SOCS7: variants seen among roughly 807,000 people sequenced by gnomAD.
The protein encoded by SOCS7 is suppressor of cytokine signaling 7.
A neutral mutation model predicts 58.9 loss-of-function variants in SOCS7; 18 were observed. The ratio of observed to expected loss-of-function variants is 0.31; its 90% CI spans 0.21 to 0.45. SOCS7 has a LOEUF of 0.45. Ranked by LOEUF, SOCS7 falls within the 20% of genes least tolerant of loss-of-function variation. The pLI is 1.00. For missense variants in SOCS7, 667 were observed against 837.3 expected (o/e 0.80, Z 2.51); for synonymous variants, 388 against 364.3 (o/e 1.06, Z -0.74).
At position 38,353,023 on chromosome 17, in the gene SOCS7, A is replaced by C; in HGVS notation, c.971A>C (p.Asp324Ala). The C allele has an allele frequency of 3.8e-6, 6 of 1,588,378 alleles. No individual in the cohort carries two copies. The highest frequency in any genetic ancestry group is 5.1e-6 in the Non-Finnish European group (6 of 1,168,460). Residue 324 changes from aspartate (D) to alanine (A), a missense_variant, in exon 1 of 10, where the codon GAC (aspartate) becomes GCC (alanine). By Grantham distance (126) the Asp-to-Ala change is moderately radical (BLOSUM62 -2). This residue lies in a region of SOCS7 where 208 missense variants were observed against 190.3 expected (regional missense o/e 1.09). Coordinates refer to ENST00000612932, the MANE Select transcript of SOCS7 (RefSeq NM_014598.4). Reference sequence around the variant, plus strand: ...GGAGGCTCTGCGGGCCGGGAGCTGGACGCGGGGAGGTGAGACCGGCCGGGG... The same window carrying C: ...GGAGGCTCTGCGGGCCGGGAGCTGGCCGCGGGGAGGTGAGACCGGCCGGGG... Reference protein sequence around the residue: ...DMGGSAGRELDAGRKPKLTRT... With the variant: ...DMGGSAGRELAAGRKPKLTRT...
chr17:38,365,419 GT>G lies in SOCS7; in HGVS notation c.1252+13del, dbSNP rs769131073. ...CCACCCCATGCCCCAGGTTAGCTTAGTTTAGAGGCAAGACTTGTAAGAGTTG... is the reference window on the plus strand; with the variant it reads ...CCACCCCATGCCCCAGGTTAGCTTAGTTAGAGGCAAGACTTGTAAGAGTTG... On this transcript the variant is annotated intron_variant, in intron 4 of 9. Coordinates refer to ENST00000612932, the MANE Select transcript of SOCS7 (RefSeq NM_014598.4). The G allele has an allele frequency of 6.3e-7, 1 of 1,579,716 alleles. No homozygotes were observed. The highest frequency in any genetic ancestry group is 1.8e-5 in the Admixed American group (1 of 56,954).
At chr17:38,392,268 G>A (rs1478291420) in intron 7 of SOCS7, among the ~76,000 whole-genome samples, 2 of 152,148 alleles carry the variant, frequency 1.3e-5, no homozygotes, top group African/African-American at 4.8e-5. Flanking sequence ...CAATTAAATA[G>A]GCAAGTATAT....
At chr17:38,374,901 G>A (rs1301095917) in intron 6 of SOCS7, among the ~76,000 whole-genome samples, 1 of 152,206 alleles carries the variant, frequency 6.6e-6, no homozygotes, top group African/African-American at 2.4e-5. Context: ...TATGATATGG[G>A]CACTAAAACC....
intron 7 of SOCS7, among the ~76,000 whole-genome samples, chr17:38,378,396 TC>T (rs1238718327): frequency 3.3e-5 from 5 of 151,948 alleles, no homozygotes; most frequent in African/African-American, 1.2e-4. Context: ...TGCCTATAGT[TC>T]CAGCTAGTTG....
Position 38,352,838 on chromosome 17 carries a change from C to G in SOCS7, c.786C>G (p.Leu262=). 1 of 1,572,360 alleles carries G rather than the reference C, an allele frequency of 6.4e-7. No homozygotes were observed. Among genetic ancestry groups the G allele is most frequent in the Non-Finnish European group, 8.6e-7 (1 of 1,159,204 alleles). ...CGCCCCCGCCTCCTCCCGGGCCCCTCCGGCCACTCGCGGGTCCTTCTCGGA... is the reference window on the plus strand; with the variant it reads ...CGCCCCCGCCTCCTCCCGGGCCCCTGCGGCCACTCGCGGGTCCTTCTCGGA... ...PPPPPPPPGP[L]RPLAGPSRKG... is the part of the protein sequence containing the mutation. Residue 262 remains leucine (L), a synonymous_variant, in exon 1 of 10, where the codon CTC becomes CTG. Transcript: ENST00000612932. This position sits in a 1 kb window ranked among gnomAD's most constrained non-coding sequence, Gnocchi z 5.5.
At chr17:38,390,641 T>TTCCC (rs2038158992) in intron 7 of SOCS7, among the ~76,000 whole-genome samples, 1 of 16,146 alleles carries the variant, frequency 6.2e-5, no homozygotes, top group African/African-American at 2.1e-4. Flanking sequence ...TTTGTTCGTT[T>TTCCC]TCCTTCCTTC....
chr17:38,352,817 C>T lies in SOCS7; in HGVS notation c.765C>T (p.Pro255=), dbSNP rs2037575631. 4.5e-6 allele frequency: 7 copies of T among 1,558,932 alleles called. No homozygotes were observed. Among genetic ancestry groups the T allele is most frequent in the Non-Finnish European group, 6.1e-6 (7 of 1,151,988 alleles). The part of the protein sequence containing the change: ...QQQQQQQPPP[P]PPPPGPLRPL... ...AGCAGCAGCAGCAACCTCCCCCGCC[C>T]CCGCCTCCTCCCGGGCCCCTCCGGC... Residue 255 remains proline, a synonymous_variant, in exon 1 of 10, where the codon CCC becomes CCT. Coordinates refer to ENST00000612932, the MANE Select transcript of SOCS7 (RefSeq NM_014598.4). This position sits in a 1 kb window ranked among gnomAD's most constrained non-coding sequence, Gnocchi z 5.5.
At chr17:38,375,729 A>G (rs542631195) in intron 6 of SOCS7, 8 of 152,236 alleles carry the variant, frequency 5.3e-5, no homozygotes, top group African/African-American at 1.9e-4. Flanking sequence ...TTCAAGGGTC[A>G]GTTTATGTAT....
Position 38,400,015 on chromosome 17 carries a change from C to G in SOCS7, c.*533C>G, listed in dbSNP as rs1034642482. 1 of 152,234 alleles carries G rather than the reference C, an allele frequency of 6.6e-6. No homozygotes were observed. The highest frequency in any genetic ancestry group is 1.5e-5 in the Non-Finnish European group (1 of 68,096). The allele number at this position is 152,234 out of a possible 1,614,324, so 9.4% of individuals were successfully genotyped here. On this transcript the variant is annotated 3_prime_UTR_variant, in exon 10 of 10. Transcript: ENST00000612932. Reference sequence around the variant, plus strand: ...TGGGAGTTCCTGAGGAAGGGGGAATCTGCCTCTTGTTGCCATGGGCAGCTG... The same window carrying G: ...TGGGAGTTCCTGAGGAAGGGGGAATGTGCCTCTTGTTGCCATGGGCAGCTG...
chr17:38,353,470 A>C (rs1234256917), intron 1 of SOCS7, among the ~76,000 whole-genome samples: 1 of 152,190 alleles, frequency 6.6e-6, no homozygotes, highest in Non-Finnish European at 1.5e-5. Context: ...CATGCATGCA[A>C]ATGACAGGAG....
intron 6 of SOCS7, among the ~76,000 whole-genome samples, chr17:38,376,774 G>A (rs2037936953): frequency 6.6e-6 from 1 of 151,870 alleles, no homozygotes; most frequent in Non-Finnish European, 1.5e-5. Flanking sequence ...TGAACAAAAT[G>A]TTATTCAAAG....
intron 6 of SOCS7, among the ~76,000 whole-genome samples, chr17:38,376,130 A>G (rs1239858330): frequency 6.6e-6 from 1 of 152,248 alleles, no homozygotes; most frequent in Non-Finnish European, 1.5e-5. Context: ...CACATGTAAG[A>G]AAGATTAATG....
rs2038321708 is a variant in SOCS7 at position 38,401,741 on chromosome 17, C to T, written c.*2259C>T. ...AGGACAGACAGTGAGATGAAAAACA[C>T]ATGAGCAAAAGCAAGGAAGCAGAAA... is the stretch of plus-strand genomic sequence containing the variant. On this transcript the variant is annotated 3_prime_UTR_variant, in exon 10 of 10. Transcript: ENST00000612932. The T allele has an allele frequency of 1.3e-5, 2 of 152,368 alleles. No individual in the cohort carries two copies. The highest frequency in any genetic ancestry group is 1.5e-5 in the Non-Finnish European group (1 of 68,190). The allele number at this position is 152,368 out of a possible 1,614,324, so 9.4% of individuals were successfully genotyped here. A position where few individuals can be genotyped will look rare whatever the true frequency, so the allele number is the denominator to read the frequency against.
intron 7 of SOCS7, among the ~76,000 whole-genome samples, chr17:38,389,886 C>CATATATATATATGTACAT (rs2038140430): frequency 1.2e-5 from 1 of 83,352 alleles, no homozygotes; most frequent in Non-Finnish European, 2.1e-5. Flanking sequence ...TATATATGTA[C>CATATATATATATGTACAT]ATATATATAT....
intron 4 of SOCS7, chr17:38,366,026 T>G (rs1197672423): frequency 1.6e-6 from 2 of 1,266,400 alleles, no homozygotes; most frequent in Non-Finnish European, 2.0e-6. Flanking sequence ...AGTAGTCACC[T>G]TAGTAAGGTT....
rs1307094105 is a variant in SOCS7, at chr17:38,404,014, C to T, written c.*4532C>T. ...AAAAGAAAGAAAAGTGTGCCCCCCT[C>T]CTATGCTGCGATAGCTATAAAATGA... On this transcript the variant is annotated 3_prime_UTR_variant, in exon 10 of 10. Transcript: ENST00000612932. 1 of 151,956 alleles carries T rather than the reference C, an allele frequency of 6.6e-6. No homozygotes were observed. The highest frequency in any genetic ancestry group is 1.5e-5 in the Non-Finnish European group (1 of 67,972). The allele number at this position is 151,956 out of a possible 1,614,324, so 9.4% of individuals were successfully genotyped here.
Position 38,389,877 on chromosome 17 carries a change from ATATATG to A in SOCS7, c.1682-5429_1682-5424del, listed in dbSNP as rs1597776703. On this transcript the variant is annotated intron_variant, in intron 7 of 9. Transcript: ENST00000612932. ...GGTGTGTATGTGTGTACATATATAT[ATATATG>A]TACATATATATATATACACATATAG... Among the ~76,000 whole-genome samples the A allele has an allele frequency of 4.8e-5, 5 of 103,108 alleles. 1 individual carries two copies. The highest frequency in any genetic ancestry group is 8.9e-5 in the Non-Finnish European group (5 of 56,010). The allele number at this position is 103,108 out of a possible 152,430, so 67.6% of individuals were successfully genotyped here.
intron 9 of SOCS7, among the ~76,000 whole-genome samples, chr17:38,397,400 T>C (rs2038258611): frequency 6.6e-6 from 1 of 152,244 alleles, no homozygotes; most frequent in South Asian, 2.1e-4. Context: ...TCAAGACAAG[T>C]GGCTCCCTGC....
intron 7 of SOCS7, among the ~76,000 whole-genome samples, chr17:38,388,099 T>G (rs2038104318): frequency 6.6e-6 from 1 of 152,078 alleles, no homozygotes; most frequent in Non-Finnish European, 1.5e-5. Flanking sequence ...TTTTAATTCA[T>G]TACAGTTATA....
Sources: gnomAD v4.1 joint callset for allele counts (sites outside exome capture counted in the v4.1 genomes callset) on GRCh38, gnomAD v4.1.1 for gene constraint, gnomAD v4.1.1 regional missense constraint, Gnocchi (gnomAD v3.1) non-coding constraint, MANE v1.5 for transcripts, NCBI Gene and HGNC (gene_info 2026-07-23, HGNC 2026-07-21) for gene names.